Variants in DZANK1 observed in about 807,000 individuals in gnomAD.
DZANK1 encodes the protein double zinc ribbon and ankyrin repeat domains 1.
Under a neutral mutation model 94.5 loss-of-function variants are expected in DZANK1, and 91 were observed. The ratio of observed to expected loss-of-function variants is 0.96; its 90% CI spans 0.81 to 1.15. The LOEUF (loss-of-function observed/expected upper bound fraction) is 1.15. DZANK1 is among the 50% of genes most tolerant of loss of function. The probability of loss-of-function intolerance (pLI) is 0.00; values close to 1 mark genes in which losing one functional copy is unlikely to be tolerated. For missense variants in DZANK1, 903 were observed against 916.4 expected (o/e 0.99, Z 0.19); for synonymous variants, 312 against 325.3 (o/e 0.96, Z 0.44).
chr20:18,427,185 A>C, intron 9 of DZANK1, 26 bp from the exon 10 acceptor site: 1 of 1,569,680 alleles, frequency 6.4e-7, no homozygotes, highest in Non-Finnish European at 8.8e-7. Flanking sequence ...TAAGACATAC[A>C]TGTTCCTCTG....
intron 13 of DZANK1, among the ~76,000 whole-genome samples, chr20:18,405,192 G>A (rs1050953341): frequency 3.3e-5 from 5 of 151,816 alleles, no homozygotes; most frequent in African/African-American, 9.7e-5. Flanking sequence ...GCAAGACTCT[G>A]CCTATAAAAA....
At chr20:18,401,941 T>A (rs1348840762) in intron 13 of DZANK1, among the ~76,000 whole-genome samples, 2 of 152,130 alleles carry the variant, frequency 1.3e-5, no homozygotes, top group Non-Finnish European at 2.9e-5. Context: ...AGGAGGGATG[T>A]GAGGAGTGAT....
intron 13 of DZANK1, among the ~76,000 whole-genome samples, chr20:18,402,674 C>A (rs1387371107): frequency 6.6e-6 from 1 of 152,200 alleles, no homozygotes; most frequent in Admixed American, 6.5e-5. Context: ...AGTGTACTTC[C>A]TTTCGTTCCT....
At chr20:18,427,190 C>A in intron 9 of DZANK1, 31 bp from the exon 10 acceptor site, 1 of 1,547,416 alleles carries the variant, frequency 6.5e-7, no homozygotes, top group South Asian at 1.1e-5. Flanking sequence ...CATACATGTT[C>A]CTCTGAGCAA....
At chr20:18,453,993 G>A (rs780283209) in intron 4 of DZANK1, 166 bp from the exon 5 acceptor site, 1 of 731,056 alleles carries the variant, frequency 1.4e-6, no homozygotes, top group Admixed American at 1.7e-5. Context: ...ATGCAGCTTT[G>A]TATCTGGACT....
At chr20:18,396,578 CTG>C in intron 14 of DZANK1, 32 bp from the exon 15 acceptor site, 4 of 1,563,572 alleles carry the variant, frequency 2.6e-6, no homozygotes, top group South Asian at 2.3e-5. Flanking sequence ...GAATTCATAA[CTG>C]TGGGTGTGGG....
chr20:18,462,876 T>G (rs1413505661), intron 2 of DZANK1, among the ~76,000 whole-genome samples: 1 of 148,050 alleles, frequency 6.8e-6, no homozygotes, highest in African/African-American at 2.5e-5. Context: ...AGGCGGAGGT[T>G]GCAGTGACCC....
chr20:18,394,130 G>C, intron 16 of DZANK1, 124 bp downstream of exon 16: 1 of 822,828 alleles, frequency 1.2e-6, no homozygotes, highest in Non-Finnish European at 1.9e-6. Context: ...GAAATAAAAC[G>C]TCTGGAACAT....
intron 18 of DZANK1, among the ~76,000 whole-genome samples, chr20:18,390,135 A>T (rs902662090): frequency 2.0e-5 from 3 of 152,202 alleles, no homozygotes; most frequent in Admixed American, 6.5e-5. Context: ...CAGAGATTCT[A>T]TCCAGCTTCA....
intron 15 of DZANK1, among the ~76,000 whole-genome samples, chr20:18,395,627 G>T (rs2056297634): frequency 6.6e-6 from 1 of 152,080 alleles, no homozygotes; most frequent in South Asian, 2.1e-4. Flanking sequence ...CTCAACTGGG[G>T]ACAACTTTGT....
At chr20:18,466,802 G>C (rs2059674029) in intron 1 of DZANK1, 194 bp downstream of exon 1, 1 of 152,432 alleles carries the variant, frequency 6.6e-6, no homozygotes, top group African/African-American at 2.4e-5. Context: ...CCGCCCCCTC[G>C]CAGCCCGGAT....
At chr20:18,425,789 C>T (rs1600937617) in intron 10 of DZANK1, among the ~76,000 whole-genome samples, 2 of 152,244 alleles carry the variant, frequency 1.3e-5, no homozygotes, top group Admixed American at 1.3e-4. Flanking sequence ...CACACACAGG[C>T]AGACACAGAG....
intron 8 of DZANK1, among the ~76,000 whole-genome samples, chr20:18,436,496 GAAGA>G (rs2058531060): frequency 6.7e-6 from 1 of 150,032 alleles, no homozygotes; most frequent in African/African-American, 2.4e-5. Flanking sequence ...TCGCATAACA[GAAGA>G]AAGAATCAGT....
chr20:18,384,525 C>T, exon 21 of DZANK1: 3 of 1,609,816 alleles, frequency 1.9e-6, no homozygotes, highest in Middle Eastern at 1.7e-4. Context: ...CGTATGCTGT[C>T]TGGCCTCCTG....
chr20:18,397,447 C>T (rs1371970385), intron 14 of DZANK1, among the ~76,000 whole-genome samples: 1 of 152,152 alleles, frequency 6.6e-6, no homozygotes, highest in Non-Finnish European at 1.5e-5. Flanking sequence ...CAGGGTCCGA[C>T]AGATCTGCTT....
intron 10 of DZANK1, among the ~76,000 whole-genome samples, chr20:18,426,419 G>A (rs1049574254): frequency 1.3e-5 from 2 of 152,140 alleles, no homozygotes; most frequent in African/African-American, 2.4e-5. Context: ...GAATCTGTCC[G>A]AGATGAGAAC....
chr20:18,459,045 C>G (rs1210165896), intron 3 of DZANK1, among the ~76,000 whole-genome samples: 2 of 152,162 alleles, frequency 1.3e-5, no homozygotes, highest in African/African-American at 4.8e-5. Context: ...CTCTTGAAAG[C>G]CTTATTAACT....
chr20:18,397,956 T>C (rs781286967), intron 14 of DZANK1, among the ~76,000 whole-genome samples: 18 of 152,162 alleles, frequency 1.2e-4, no homozygotes, highest in Non-Finnish European at 2.1e-4. Context: ...ACTTCCATCA[T>C]AGTCCGTTAG....
intron 8 of DZANK1, among the ~76,000 whole-genome samples, chr20:18,438,994 A>G (rs1386575260): frequency 6.6e-6 from 1 of 152,222 alleles, no homozygotes; most frequent in African/African-American, 2.4e-5. Flanking sequence ...ATTTTGGCCA[A>G]GACACAAAGA....
Sources: allele counts gnomAD v4.1 joint callset (sites outside exome capture counted in the v4.1 genomes callset), GRCh38; gene constraint gnomAD v4.1.1; transcripts MANE v1.5; gene names NCBI Gene and HGNC (gene_info 2026-07-23, HGNC 2026-07-21).